SRPK2: variants seen among roughly 807,000 people sequenced by gnomAD.
SRPK2 encodes SRSF protein kinase 2, also known as SFRS protein kinase 2.
In SRPK2, 21 loss-of-function variants were observed where a neutral mutation model predicts 90.8. The ratio of observed to expected loss-of-function variants is 0.23; its 90% CI spans 0.16 to 0.33. SRPK2 has a LOEUF of 0.33. SRPK2 is among the 10% of genes least tolerant of loss of function. The pLI, the probability that SRPK2 is intolerant of heterozygous loss-of-function variation, is 1.00. For missense variants in SRPK2, 620 were observed against 869.0 expected, an observed-to-expected ratio of 0.71 and a Z score of 3.60; for synonymous variants, 288 against 311.1, an observed-to-expected ratio of 0.93 and a Z score of 0.78.
At chr7:105,224,611 AAATAAT>A (rs774647198) in intron 2 of SRPK2, among the ~76,000 whole-genome samples, 1 of 152,082 alleles carries the variant, frequency 6.6e-6, no homozygotes, top group Non-Finnish European at 1.5e-5. Flanking sequence ...CTCTGTCTAA[AAATAAT>A]AATAATAATA....
At chr7:105,358,819 T>C (rs1445380400) in intron 2 of SRPK2, among the ~76,000 whole-genome samples, 3 of 152,172 alleles carry the variant, frequency 2.0e-5, no homozygotes, top group African/African-American at 7.2e-5. Context: ...GAGATGTATG[T>C]GGCTCATGGT....
chr7:105,142,116 C>T lies in SRPK2; in HGVS notation c.1435G>A (p.Gly479Ser), dbSNP rs374040652. 54 of 1,614,000 alleles carry T rather than the reference C, an allele frequency of 3.3e-5. No homozygotes were observed. Among genetic ancestry groups the T allele is most frequent in the Middle Eastern group, 3.3e-4 (2 of 6,084 alleles). Reference protein sequence around the residue: ...FSGSLEPVACGSVLSEGSPLT... With the variant: ...FSGSLEPVACSSVLSEGSPLT... ...GGTGATCCCTCAGAAAGCACAGAGC[C>T]GCAGGCCACAGGTTCTAAGGATCCA... is the stretch of plus-strand genomic sequence containing the variant. Residue 479 changes from glycine to serine, a missense_variant, in exon 11 of 16, where the codon GGC (glycine) becomes AGC (serine). Around this residue, in one of 8 missense-constraint regions of SRPK2, gnomAD observed 243 missense variants for 245.7 expected, o/e 0.99. Transcript: ENST00000393651.
In SRPK2 at chr7:105,376,055, G is replaced by C. The variant is rs904699908; in HGVS notation, c.71+12593C>G. Reference sequence around the variant, plus strand: ...GCCACCCAGGCTGGAGTGCAGTGTCGTGATCTCAGCTCAATGCAAGCTCCG... The same window carrying C: ...GCCACCCAGGCTGGAGTGCAGTGTCCTGATCTCAGCTCAATGCAAGCTCCG... On this transcript the variant is annotated intron_variant, in intron 2 of 15. Coordinates refer to ENST00000393651, the MANE Select transcript of SRPK2 (RefSeq NM_182692.3). 2.4e-5 allele frequency among the ~76,000 whole-genome samples: 3 copies of C among 123,596 alleles called. No individual in the cohort carries two copies. In the South Asian group the frequency reaches 8.0e-4, roughly 33 times the overall value. The allele number at this position is 123,596 out of a possible 152,430, so 81.1% of individuals were successfully genotyped here. A position where few individuals can be genotyped will look rare whatever the true frequency, so the allele number is the denominator to read the frequency against.
chr7:105,385,912 T>C (rs1821529151), intron 2 of SRPK2, among the ~76,000 whole-genome samples: 1 of 152,192 alleles, frequency 6.6e-6, no homozygotes, highest in South Asian at 2.1e-4. Flanking sequence ...TGTCCCATCT[T>C]CATTTTCTTC....
intron 2 of SRPK2, among the ~76,000 whole-genome samples, chr7:105,349,934 T>C (rs2132042049): frequency 6.6e-6 from 1 of 151,280 alleles, no homozygotes; most frequent in African/African-American, 2.4e-5. Context: ...AGATGGGGTT[T>C]CGCCATGTTG....
intron 7 of SRPK2, among the ~76,000 whole-genome samples, chr7:105,151,517 T>C (rs1051934740): frequency 2.0e-5 from 3 of 152,246 alleles, no homozygotes; most frequent in Admixed American, 2.0e-4. Flanking sequence ...TATTGAATTA[T>C]GATTTTTCAT....
intron 2 of SRPK2, among the ~76,000 whole-genome samples, chr7:105,331,078 G>A (rs2131689719): frequency 6.6e-6 from 1 of 151,870 alleles, no homozygotes; most frequent in Middle Eastern, 3.4e-3. Flanking sequence ...GAGGTAGGTG[G>A]TTCACTTGAG....
At chr7:105,352,470 C>T (rs983570976) in intron 2 of SRPK2, among the ~76,000 whole-genome samples, 6 of 152,254 alleles carry the variant, frequency 3.9e-5, no homozygotes, top group Admixed American at 1.3e-4. Flanking sequence ...GCCAAGCCTT[C>T]AAAATGACTG....
chr7:105,362,214 A>G (rs1443125180), intron 2 of SRPK2, among the ~76,000 whole-genome samples: 1 of 152,230 alleles, frequency 6.6e-6, no homozygotes, highest in Non-Finnish European at 1.5e-5. Flanking sequence ...CAGCCAACAG[A>G]CACATGAAAA....
intron 2 of SRPK2, among the ~76,000 whole-genome samples, chr7:105,384,125 T>C (rs1030962465): frequency 2.0e-5 from 3 of 152,132 alleles, no homozygotes; most frequent in Non-Finnish European, 4.4e-5. Context: ...TATATCCCAA[T>C]AAAAGTTATG....
At chr7:105,139,291 GGAACCTC>G (rs1229138096) in intron 11 of SRPK2, among the ~76,000 whole-genome samples, 1 of 152,160 alleles carries the variant, frequency 6.6e-6, no homozygotes, top group African/African-American at 2.4e-5. Context: ...ACACCAGTAA[GGAACCTC>G]CATAATAGGA....
chr7:105,261,801 G>A (rs536153153), intron 2 of SRPK2, among the ~76,000 whole-genome samples: 1 of 152,298 alleles, frequency 6.6e-6, no homozygotes, highest in Admixed American at 6.5e-5. Flanking sequence ...AAATGTCACT[G>A]ATACGCCCCA....
chr7:105,225,582 C>G (rs1798611413), intron 2 of SRPK2, among the ~76,000 whole-genome samples: 1 of 152,262 alleles, frequency 6.6e-6, no homozygotes, highest in Admixed American at 6.5e-5. Flanking sequence ...CATCCAAAAC[C>G]TTCTAAATTT....
chr7:105,347,544 G>A (rs766846512), intron 2 of SRPK2, among the ~76,000 whole-genome samples: 4 of 152,056 alleles, frequency 2.6e-5, no homozygotes, highest in Non-Finnish European at 5.9e-5. Context: ...GAAGAATGAG[G>A]GGGAGGGGGA....
rs1446467207 is a variant in SRPK2 at position 105,116,573 on chromosome 7, T to C, written c.*1265A>G. 6.6e-6 allele frequency: 1 copy of C among 152,618 alleles called. No homozygotes were observed. Among genetic ancestry groups the C allele is most frequent in the African/African-American group, 2.4e-5 (1 of 41,442 alleles). The allele number at this position is 152,618 out of a possible 1,614,324, so 9.5% of individuals were successfully genotyped here. A position where few individuals can be genotyped will look rare whatever the true frequency, so the allele number is the denominator to read the frequency against. ...TAAAATAAAAAGACATTCAATCCAC[T>C]GACTTCTAAAAGAGGCTAAATATAC... is the stretch of plus-strand genomic sequence containing the variant. On this transcript the variant is annotated 3_prime_UTR_variant, in exon 16 of 16. Coordinates refer to ENST00000393651, the MANE Select transcript of SRPK2 (RefSeq NM_182692.3).
chr7:105,285,410 A>G (rs1283052865), intron 2 of SRPK2, among the ~76,000 whole-genome samples: 2 of 150,404 alleles, frequency 1.3e-5, no homozygotes, highest in Non-Finnish European at 3.0e-5. Context: ...AAAAAAAAGG[A>G]AAAGGAAAAG....
At chr7:105,169,891 A>G (rs1476804627) in intron 3 of SRPK2, among the ~76,000 whole-genome samples, 2 of 152,118 alleles carry the variant, frequency 1.3e-5, no homozygotes, top group Non-Finnish European at 2.9e-5. Flanking sequence ...TCTCAGCTCA[A>G]TGCAACCTCT....
intron 2 of SRPK2, among the ~76,000 whole-genome samples, chr7:105,222,550 A>G (rs1798226773): frequency 1.3e-5 from 2 of 152,338 alleles, no homozygotes; most frequent in South Asian, 4.1e-4. Context: ...TAAGTTTGAA[A>G]CTTCTATTTT....
At chr7:105,122,319 T>C (rs1418975255) in intron 15 of SRPK2, among the ~76,000 whole-genome samples, 1 of 152,202 alleles carries the variant, frequency 6.6e-6, no homozygotes, top group Non-Finnish European at 1.5e-5. Context: ...AAATTTATAC[T>C]TAAACTTTCA....
Sources: allele counts gnomAD v4.1 joint callset (sites outside exome capture counted in the v4.1 genomes callset), GRCh38; gene constraint gnomAD v4.1.1; regional missense constraint gnomAD v4.1.1; transcripts MANE v1.5; gene names NCBI Gene and HGNC (gene_info 2026-07-23, HGNC 2026-07-21).